Variants in ADGRV1 observed in about 807,000 individuals in gnomAD.
The protein encoded by ADGRV1 is G-protein coupled receptor 98.
Under a neutral mutation model 596.2 loss-of-function variants are expected in ADGRV1, and 359 were observed. The ratio of observed to expected loss-of-function variants is 0.60; its 90% confidence interval spans 0.55 to 0.66. ADGRV1 has a LOEUF of 0.66. Ranked by LOEUF, ADGRV1 falls within the 30% of genes least tolerant of loss-of-function variation. The pLI, the probability that ADGRV1 is intolerant of heterozygous loss-of-function variation, is 0.00. For missense variants in ADGRV1, 7,274 were observed against 7,575.6 expected (o/e 0.96, Z 1.48); for synonymous variants, 2,681 against 2,679.2 (o/e 1.00, Z -0.02).
In ADGRV1 at chr5:90,651,878, G is replaced by A. The variant is rs13186124; in HGVS notation, c.3416+148G>A. The A allele has an allele frequency of 0.07, 35,795 of 511,780 alleles. 1,627 individuals are homozygous for A. Among genetic ancestry groups the A allele is most frequent in the Non-Finnish European group, 0.086 (25,642 of 297,568 alleles). 31.7% of individuals were successfully genotyped at this position (511,780 alleles called of 1,614,324 possible). On this transcript the variant is annotated intron_variant, in intron 18 of 89. Transcript: ENST00000405460. ...GCAGTCTGAATGAGTGGTAAACTTT[G>A]TTTATGCTGTTGCCACTTATCTTCA...
At chr5:90,695,194 T>C (rs182578160) in intron 33 of ADGRV1, among the ~76,000 whole-genome samples, 3 of 152,296 alleles carry the variant, frequency 2.0e-5, no homozygotes, top group Admixed American at 2.0e-4. Context: ...CTTTGGTGAC[T>C]GCATTTATAT....
At chr5:90,938,858 A>G (rs370988582) in intron 83 of ADGRV1, among the ~76,000 whole-genome samples, 211 of 152,308 alleles carry the variant, frequency 1.4e-3, no homozygotes, top group African/African-American at 4.8e-3. Flanking sequence ...TGCTTTTGTT[A>G]TCTTTCAACC....
At chr5:90,598,568 G>T (rs930219976) in intron 1 of ADGRV1, among the ~76,000 whole-genome samples, 4 of 152,178 alleles carry the variant, frequency 2.6e-5, no homozygotes, top group Admixed American at 1.3e-4. Flanking sequence ...GAAGTAGCAG[G>T]CCTGGACAGA....
At position 90,796,624 on chromosome 5, in the gene ADGRV1, A is replaced by G. The variant is rs950597109; in HGVS notation, c.14517+5278A>G. On this transcript the variant is annotated intron_variant, in intron 70 of 89. Transcript: ENST00000405460. Reference sequence around the variant, plus strand: ...TTCAAATCCAGGAAATACAGAGTACACCAAAAAGATACCCCTTGAGAAGAG... The same window carrying G: ...TTCAAATCCAGGAAATACAGAGTACGCCAAAAAGATACCCCTTGAGAAGAG... Among the ~76,000 whole-genome samples the G allele has an allele frequency of 5.3e-5, 8 of 152,308 alleles. 1 individual carries two copies. The East Asian group carries it at 1.4e-3, about 26-fold the overall frequency.
intron 85 of ADGRV1, among the ~76,000 whole-genome samples, chr5:91,013,088 A>G (rs1304602809): frequency 6.6e-6 from 1 of 152,088 alleles, no homozygotes; most frequent in Non-Finnish European, 1.5e-5. Context: ...ATAGTATTCC[A>G]TGGTGTATAT....
chr5:91,150,279 C>A, intron 88 of ADGRV1, 58 bp downstream of exon 88: 1 of 1,201,634 alleles, frequency 8.3e-7, no homozygotes. Flanking sequence ...CTCTCTCTCT[C>A]TGTCTGTCTC....
chr5:90,597,362 T>C (rs1028550192), intron 1 of ADGRV1, among the ~76,000 whole-genome samples: 6 of 152,228 alleles, frequency 3.9e-5, no homozygotes, highest in African/African-American at 1.4e-4. Flanking sequence ...CTACTTAGGG[T>C]TTGTTATAGA....
At chr5:90,815,020 A>G (rs927670568) in intron 74 of ADGRV1, among the ~76,000 whole-genome samples, 1 of 151,898 alleles carries the variant, frequency 6.6e-6, no homozygotes, top group Non-Finnish European at 1.5e-5. Flanking sequence ...GGTACCCGTA[A>G]CCTCAAGTGT....
intron 87 of ADGRV1, among the ~76,000 whole-genome samples, chr5:91,108,517 T>C (rs1394192873): frequency 1.3e-5 from 2 of 152,196 alleles, no homozygotes; most frequent in East Asian, 3.8e-4. Flanking sequence ...ATTTTAAGTT[T>C]TTTAAAAAAT....
chr5:90,663,110 C>A (rs1178299111), intron 21 of ADGRV1, among the ~76,000 whole-genome samples: 3 of 150,336 alleles, frequency 2.0e-5, no homozygotes, highest in African/African-American at 7.4e-5. Context: ...GATTTACAGT[C>A]CTTTGGGTAT....
intron 84 of ADGRV1, among the ~76,000 whole-genome samples, chr5:90,967,642 G>A (rs1275230434): frequency 6.6e-6 from 1 of 152,130 alleles, no homozygotes; most frequent in African/African-American, 2.4e-5. Context: ...ACAGGAAATT[G>A]CTTATCAGAT....
At chr5:91,159,890 AC>A (rs1191251680) in intron 89 of ADGRV1, among the ~76,000 whole-genome samples, 2 of 152,222 alleles carry the variant, frequency 1.3e-5, no homozygotes, top group Non-Finnish European at 2.9e-5. Flanking sequence ...TACATGCTTA[AC>A]AAGGTGTGCC....
At chr5:90,963,862 T>G (rs186067289) in intron 83 of ADGRV1, among the ~76,000 whole-genome samples, 3 of 150,988 alleles carry the variant, frequency 2.0e-5, no homozygotes, top group African/African-American at 7.3e-5. Context: ...GCATAAGAGA[T>G]ACATATTGTA....
intron 85 of ADGRV1, among the ~76,000 whole-genome samples, chr5:91,067,452 A>G (rs1787984699): frequency 6.6e-6 from 1 of 152,004 alleles, no homozygotes; most frequent in African/African-American, 2.4e-5. Context: ...CGCAAAGGAG[A>G]TTTTTAAGAT....
At chr5:91,046,657 C>T (rs1003099723) in intron 85 of ADGRV1, among the ~76,000 whole-genome samples, 18 of 152,170 alleles carry the variant, frequency 1.2e-4, no homozygotes, top group African/African-American at 2.2e-4. Context: ...AGAACAAAGA[C>T]GAACAGCTGG....
At chr5:90,745,380 A>G (rs1309000598) in intron 51 of ADGRV1, 115 bp downstream of exon 51, 2 of 754,846 alleles carry the variant, frequency 2.6e-6, no homozygotes, top group Non-Finnish European at 4.2e-6. Context: ...AGAGCTATTT[A>G]TCAGCCTGAA....
intron 11 of ADGRV1, 64 bp from the exon 12 acceptor site, chr5:90,642,572 G>A (rs1767109141): frequency 2.5e-6 from 4 of 1,570,232 alleles, no homozygotes; most frequent in Admixed American, 3.6e-5. Flanking sequence ...TGCCTTAAAA[G>A]CCTGCAAAAT....
intron 83 of ADGRV1, among the ~76,000 whole-genome samples, chr5:90,937,818 A>T (rs1256630345): frequency 1.3e-5 from 2 of 151,230 alleles, no homozygotes; most frequent in African/African-American, 4.9e-5. Context: ...TTCTTATTTC[A>T]CTTCTGACTG....
intron 85 of ADGRV1, among the ~76,000 whole-genome samples, chr5:91,019,728 T>C (rs1294325605): frequency 6.6e-6 from 1 of 152,016 alleles, no homozygotes; most frequent in African/African-American, 2.4e-5. Flanking sequence ...AAACTGGTTG[T>C]TAGTGAAAAT....
Sources: allele counts gnomAD v4.1 joint callset (sites outside exome capture counted in the v4.1 genomes callset), GRCh38; gene constraint gnomAD v4.1.1; transcripts MANE v1.5; gene names NCBI Gene and HGNC (gene_info 2026-07-23, HGNC 2026-07-21).